ANKRD7: variants seen among roughly 807,000 people sequenced by gnomAD.
ANKRD7 encodes the protein ankyrin repeat domain-containing protein 7.
A neutral mutation model predicts 30.8 loss-of-function variants in ANKRD7; 30 were observed. That is an observed-to-expected ratio of 0.97 (90% CI 0.73 to 1.32). The LOEUF is 1.32. ANKRD7 is among the 40% of genes most tolerant of loss of function. ANKRD7 has a pLI of 0.00. For missense variants in ANKRD7, 264 were observed against 295.7 expected, an observed-to-expected ratio of 0.89 and a Z score of 0.79; for synonymous variants, 97 against 106.6, an observed-to-expected ratio of 0.91 and a Z score of 0.55.
intron 4 of ANKRD7, 31 bp downstream of exon 4, chr7:118,236,178 T>A: frequency 7.7e-7 from 1 of 1,303,946 alleles, no homozygotes; most frequent in African/African-American, 1.5e-5. Flanking sequence ...AGCACATAAC[T>A]AAAGCTACCT....
rs567681535 is a variant in ANKRD7, at chr7:118,242,379, C to T, written c.*68C>T. ...GAACCCATTTCTACAATTTCTTTGC[C>T]GCTTCCTTGAATTGGAAAAATGTAC... On this transcript the variant is annotated 3_prime_UTR_variant, in exon 7 of 7. Coordinates refer to ENST00000265224, the MANE Select transcript of ANKRD7 (RefSeq NM_019644.4). The T allele has an allele frequency of 1.6e-4, 25 of 152,150 alleles. 1 individual carries two copies. The South Asian group carries it at 4.6e-3, about 28-fold the overall frequency. 9.4% of individuals were successfully genotyped at this position (152,150 alleles called of 1,614,324 possible).
intron 4 of ANKRD7, among the ~76,000 whole-genome samples, chr7:118,236,588 G>A (rs1199854602): frequency 2.0e-5 from 3 of 152,020 alleles, no homozygotes; most frequent in African/African-American, 7.2e-5. Context: ...TGCTTCCTAG[G>A]TACTGTTCAT....
chr7:118,225,809 A>AT (rs564437947), intron 1 of ANKRD7, among the ~76,000 whole-genome samples: 48 of 152,088 alleles, frequency 3.2e-4, no homozygotes, highest in Non-Finnish European at 2.8e-4. Flanking sequence ...ACAGAGGATG[A>AT]TTTTTTTTCT....
At chr7:118,231,725 A>C (rs1809641903) in intron 1 of ANKRD7, among the ~76,000 whole-genome samples, 1 of 152,088 alleles carries the variant, frequency 6.6e-6, no homozygotes, top group Admixed American at 6.6e-5. Context: ...GTTCAATTTG[A>C]AATTTCTGGT....
chr7:118,234,008 A>G (rs936580908), intron 1 of ANKRD7, among the ~76,000 whole-genome samples: 15 of 152,210 alleles, frequency 9.9e-5, no homozygotes, highest in Non-Finnish European at 1.5e-5. Context: ...CTGAGTAAAT[A>G]AAGAAAAACA....
intron 1 of ANKRD7, among the ~76,000 whole-genome samples, chr7:118,232,187 G>T (rs1276778157): frequency 1.1e-4 from 17 of 150,876 alleles, no homozygotes; most frequent in Non-Finnish European, 1.6e-4. Flanking sequence ...TTTTTTTTTT[G>T]TTTGTTTGTT....
chr7:118,229,201 G>A (rs1308872806), intron 1 of ANKRD7, among the ~76,000 whole-genome samples: 1 of 152,044 alleles, frequency 6.6e-6, no homozygotes, highest in Non-Finnish European at 1.5e-5. Flanking sequence ...ATAGTCATAT[G>A]ACTTGCTCTT....
chr7:118,241,521 C>CTTTTTTTTTTTTTTTTT lies in ANKRD7; in HGVS notation c.*38-816_*38-800dup, dbSNP rs3061682. 1.5e-4 allele frequency among the ~76,000 whole-genome samples: 13 copies of CTTTTTTTTTTTTTTTTT among 84,552 alleles called. 1 individual carries two copies. Among genetic ancestry groups the CTTTTTTTTTTTTTTTTT allele is most frequent in the African/African-American group, 1.8e-4 (4 of 22,324 alleles). The allele number at this position is 84,552 out of a possible 152,430, so 55.5% of individuals were successfully genotyped here. ...TTAGGGGAGAATTTCTCTGAATTAC[C>CTTTTTTTTTTTTTTTTT]TTTTTTTTTTTTTTTTTTTTTTTTT... On this transcript the variant is annotated intron_variant, in intron 6 of 6. Transcript: ENST00000265224.
chr7:118,224,808 G>C lies in ANKRD7; in HGVS notation c.-23G>C. On this transcript the variant is annotated 5_prime_UTR_variant, in exon 1 of 7. Coordinates refer to ENST00000265224, the MANE Select transcript of ANKRD7 (RefSeq NM_019644.4). ...GTTCAAGAAACATCCTGGTCTGAGG[G>C]AAAGGCTGCAGCCTGCACCGCCATG... 6.2e-7 allele frequency: 1 copy of C among 1,602,012 alleles called. No individual in the cohort carries two copies. The highest frequency in any genetic ancestry group is 1.1e-5 in the South Asian group (1 of 89,656).
At chr7:118,235,087 C>T (rs1052033977) in intron 3 of ANKRD7, among the ~76,000 whole-genome samples, 1 of 152,052 alleles carries the variant, frequency 6.6e-6, no homozygotes, top group Non-Finnish European at 1.5e-5. Context: ...ATCCTGACCT[C>T]CAAAGAAACA....
At chr7:118,236,490 C>T (rs1233326493) in intron 4 of ANKRD7, among the ~76,000 whole-genome samples, 1 of 152,038 alleles carries the variant, frequency 6.6e-6, no homozygotes, top group Non-Finnish European at 1.5e-5. Flanking sequence ...CCCAAAGTCC[C>T]AAGACACATT....
At chr7:118,225,225 G>A (rs1277136586) in intron 1 of ANKRD7, among the ~76,000 whole-genome samples, 1 of 152,014 alleles carries the variant, frequency 6.6e-6, no homozygotes, top group African/African-American at 2.4e-5. Context: ...GGTTGCTCAC[G>A]TCTGTAATCC....
chr7:118,236,197 T>TGTGTGTGTGC, intron 4 of ANKRD7, 50 bp downstream of exon 4: 1 of 1,058,052 alleles, frequency 9.5e-7, no homozygotes, highest in South Asian at 1.4e-5. Context: ...CTGATAGGAT[T>TGTGTGTGTGC]GTGTGTGTGC....
chr7:118,229,519 G>C (rs190975197), intron 1 of ANKRD7, among the ~76,000 whole-genome samples: 1 of 152,108 alleles, frequency 6.6e-6, no homozygotes, highest in Non-Finnish European at 1.5e-5. Flanking sequence ...ATAAATGAAT[G>C]AAAGGATGAA....
chr7:118,232,718 GTT>G (rs1033651276), intron 1 of ANKRD7, among the ~76,000 whole-genome samples: 34 of 113,674 alleles, frequency 3.0e-4, no homozygotes, highest in Middle Eastern at 4.5e-3. Context: ...AGAGCAGTGT[GTT>G]TGTGTGTGTG....
rs1809510607 is a variant in ANKRD7, at chr7:118,224,840, C to T, written c.10C>T (p.Leu4Phe). MNK[L>F]FSFWKRKNET... ...TGCAGCCTGCACCGCCATGAATAAG[C>T]TTTTCAGCTTCTGGAAGAGGAAGAA... The change falls in exon 1 of 7, where the codon CTT becomes TTT. Residue 4 changes from leucine to phenylalanine, a missense_variant. Leu to Phe is a conservative substitution (Grantham distance 22). Coordinates refer to ENST00000265224, the MANE Select transcript of ANKRD7 (RefSeq NM_019644.4). 2 of 1,612,666 alleles carry T rather than the reference C, an allele frequency of 1.2e-6. No homozygotes were observed. The highest frequency in any genetic ancestry group is 2.2e-5 in the East Asian group (1 of 44,854).
chr7:118,233,628 G>A (rs1050351070), intron 1 of ANKRD7, among the ~76,000 whole-genome samples: 6 of 152,002 alleles, frequency 3.9e-5, no homozygotes, highest in Non-Finnish European at 5.9e-5. Context: ...TACCCATAGA[G>A]TACTTCTGAG....
chr7:118,236,648 TCTG>T, intron 4 of ANKRD7, 139 bp from the exon 5 acceptor site: 1 of 843,016 alleles, frequency 1.2e-6, no homozygotes, highest in Non-Finnish European at 1.8e-6. Flanking sequence ...TTTGAGCAGA[TCTG>T]CTGTATTTTT....
intron 1 of ANKRD7, among the ~76,000 whole-genome samples, chr7:118,230,599 G>GA (rs373727889): frequency 6.6e-6 from 1 of 151,458 alleles, no homozygotes; most frequent in African/African-American, 2.4e-5. Context: ...AAAGCTGAAT[G>GA]AAAAAAATCT....
Sources: allele counts gnomAD v4.1 joint callset (sites outside exome capture counted in the v4.1 genomes callset), GRCh38; gene constraint gnomAD v4.1.1; transcripts MANE v1.5; gene names NCBI Gene and HGNC (gene_info 2026-07-23, HGNC 2026-07-21).